Variants in MACROD2 observed in about 807,000 individuals in gnomAD.
MACROD2 encodes ADP-ribose glycohydrolase MACROD2.
Under a neutral mutation model 70.4 loss-of-function variants are expected in MACROD2, and 36 were observed. That is an observed-to-expected ratio of 0.51 (90% CI 0.39 to 0.68). The LOEUF (loss-of-function observed/expected upper bound fraction) is 0.68, where lower values mean the gene tolerates loss of function less well. MACROD2 is among the 30% of genes least tolerant of loss of function. MACROD2 has a pLI of 0.00. For missense variants in MACROD2, 496 were observed against 538.4 expected, an observed-to-expected ratio of 0.92 and a Z score of 0.78; for synonymous variants, 172 against 178.8, an observed-to-expected ratio of 0.96 and a Z score of 0.30.
At chr20:15,149,664 A>G (rs1412882687) in intron 5 of MACROD2, among the ~76,000 whole-genome samples, 2 of 151,976 alleles carry the variant, frequency 1.3e-5, no homozygotes, top group Admixed American at 6.6e-5. Flanking sequence ...TTGTGATTTT[A>G]AGGGCCTCTA....
At chr20:14,131,285 G>A (rs1241693845) in intron 3 of MACROD2, among the ~76,000 whole-genome samples, 2 of 152,016 alleles carry the variant, frequency 1.3e-5, no homozygotes, top group Admixed American at 6.6e-5. Flanking sequence ...AAATCCAAGT[G>A]GAAACATGTT....
At chr20:14,983,961 G>A (rs1242389616) in intron 5 of MACROD2, among the ~76,000 whole-genome samples, 1 of 152,182 alleles carries the variant, frequency 6.6e-6, no homozygotes, top group African/African-American at 2.4e-5. Context: ...TTGACGTGCA[G>A]AAGCCAATCT....
rs114651470 is a variant in MACROD2 at position 15,169,722 on chromosome 20, G to T, written c.419-60218G>T. On this transcript the variant is annotated intron_variant, in intron 5 of 17. Transcript: ENST00000684519. ...GTCTTTTTATTGCTATGCACTTTTA[G>T]CAAAATTACAAGATGCTTTATTGAT... 2.3e-3 allele frequency among the ~76,000 whole-genome samples: 351 copies of T among 152,026 alleles called. 2 individuals are homozygous for T. The highest frequency in any genetic ancestry group is 8.1e-3 in the African/African-American group (335 of 41,484).
At chr20:15,003,705 C>T (rs2122906037) in intron 5 of MACROD2, among the ~76,000 whole-genome samples, 1 of 152,252 alleles carries the variant, frequency 6.6e-6, no homozygotes, top group Non-Finnish European at 1.5e-5. Context: ...TGCCCCCAAA[C>T]TCAAACACTT....
At chr20:15,929,189 T>G (rs947828710) in intron 10 of MACROD2, among the ~76,000 whole-genome samples, 2 of 152,200 alleles carry the variant, frequency 1.3e-5, no homozygotes, top group African/African-American at 4.8e-5. Flanking sequence ...TTCCAGACTG[T>G]GACTTGGGTT....
At chr20:14,859,520 C>A (rs948988004) in intron 5 of MACROD2, among the ~76,000 whole-genome samples, 6 of 152,132 alleles carry the variant, frequency 3.9e-5, no homozygotes, top group African/African-American at 1.4e-4. Flanking sequence ...GAGTACCCAT[C>A]ATATTCAATA....
intron 5 of MACROD2, among the ~76,000 whole-genome samples, chr20:15,173,989 A>G (rs543565703): frequency 6.6e-6 from 1 of 152,328 alleles, no homozygotes; most frequent in African/African-American, 2.4e-5. Flanking sequence ...GCTACTAATC[A>G]ATAATAGAAG....
At chr20:15,393,753 C>T (rs542180422) in intron 6 of MACROD2, among the ~76,000 whole-genome samples, 1 of 152,250 alleles carries the variant, frequency 6.6e-6, no homozygotes, top group South Asian at 2.1e-4. Flanking sequence ...CTTTGATAAT[C>T]ATTCCTTACT....
At chr20:14,248,507 C>T (rs1322742641) in intron 3 of MACROD2, among the ~76,000 whole-genome samples, 3 of 152,090 alleles carry the variant, frequency 2.0e-5, no homozygotes, top group South Asian at 2.1e-4. Flanking sequence ...CGCTTGAACC[C>T]GGCAGGCGGA....
chr20:14,466,807 C>G lies in MACROD2; in HGVS notation c.272-26672C>G, dbSNP rs562092619. ...AGTTTTCTGGAGGTCCACTCCAGAC[C>G]CTGTTTTCCTGGGTTTCAGCAGTGG... On this transcript the variant is annotated intron_variant, in intron 3 of 17. Transcript: ENST00000684519. 9.2e-5 allele frequency among the ~76,000 whole-genome samples: 14 copies of G among 152,142 alleles called. No individual in the cohort carries two copies. In the South Asian group the frequency reaches 2.9e-3, roughly 32 times the overall value.
At chr20:15,140,435 G>A (rs1967749) in intron 5 of MACROD2, among the ~76,000 whole-genome samples, 2 of 152,050 alleles carry the variant, frequency 1.3e-5, no homozygotes, top group Non-Finnish European at 2.9e-5. Context: ...ATTATAATAT[G>A]TATAACCGAG....
chr20:14,534,166 A>C (rs2085337994), intron 4 of MACROD2, among the ~76,000 whole-genome samples: 1 of 152,194 alleles, frequency 6.6e-6, no homozygotes, highest in South Asian at 2.1e-4. Flanking sequence ...TGAAAGCCTA[A>C]AACACAGGAA....
At position 14,557,199 on chromosome 20, in the gene MACROD2, C is replaced by T. The variant is rs139812016; in HGVS notation, c.301+63691C>T. ...GCAAAAGAATGAAGTTAGATCCCTT[C>T]CTTACACCATATATAAAAATTAACT... On this transcript the variant is annotated intron_variant, in intron 4 of 17. Transcript: ENST00000684519. Among the ~76,000 whole-genome samples, 733 of 152,008 alleles carry T rather than the reference C, an allele frequency of 4.8e-3. 6 individuals carry two copies. The highest frequency in any genetic ancestry group is 0.017 in the African/African-American group (693 of 41,516).
At chr20:15,301,761 T>A (rs898462704) in intron 6 of MACROD2, among the ~76,000 whole-genome samples, 2 of 152,040 alleles carry the variant, frequency 1.3e-5, no homozygotes, top group Admixed American at 1.3e-4. Context: ...AAGTGATTTG[T>A]CTTTCAGAGA....
At chr20:15,479,769 AT>A in intron 7 of MACROD2, among the ~76,000 whole-genome samples, 1 of 152,212 alleles carries the variant, frequency 6.6e-6, no homozygotes, top group Non-Finnish European at 1.5e-5. Context: ...AATGGTCTTT[AT>A]TTTTCACACC....
chr20:14,322,175 A>ATATATATATATATATATATATATAT (rs2082667141), intron 3 of MACROD2, among the ~76,000 whole-genome samples: 1 of 66,378 alleles, frequency 1.5e-5, no homozygotes, highest in Non-Finnish European at 3.5e-5. Context: ...ATTCTATTGA[A>ATATATATATATATATATATATATAT]ATATATATAT....
At chr20:14,412,849 G>A (rs1375255112) in intron 3 of MACROD2, among the ~76,000 whole-genome samples, 2 of 152,200 alleles carry the variant, frequency 1.3e-5, no homozygotes, top group Non-Finnish European at 1.5e-5. Flanking sequence ...TCCTAAGTAA[G>A]TTGAATCTCA....
At chr20:15,057,302 G>A (rs1440672557) in intron 5 of MACROD2, among the ~76,000 whole-genome samples, 2 of 152,098 alleles carry the variant, frequency 1.3e-5, no homozygotes, top group South Asian at 4.1e-4. Flanking sequence ...TGTTTTCTGT[G>A]TTAGAGGATA....
chr20:15,734,954 GTGTT>G (rs529238312), intron 8 of MACROD2, among the ~76,000 whole-genome samples: 21 of 151,970 alleles, frequency 1.4e-4, no homozygotes, highest in Middle Eastern at 3.2e-3. Context: ...CTTGAGTTTT[GTGTT>G]TGTTTGTTTG....
Sources: allele counts gnomAD v4.1 joint callset (sites outside exome capture counted in the v4.1 genomes callset), GRCh38; gene constraint gnomAD v4.1.1; transcripts MANE v1.5; gene names NCBI Gene and HGNC (gene_info 2026-07-23, HGNC 2026-07-21).